METAP1: variants seen among roughly 807,000 people sequenced by gnomAD.
METAP1 encodes the protein methionyl aminopeptidase 1, also known as methionine aminopeptidase 1.
METAP1 carries 28 observed loss-of-function variants against 53.8 expected under a neutral mutation model. That is an observed-to-expected ratio of 0.52 (90% CI 0.39 to 0.71). METAP1 has a LOEUF of 0.71. Ranked by LOEUF, METAP1 falls within the 30% of genes least tolerant of loss-of-function variation. The pLI is 0.00. For missense variants in METAP1, 389 were observed against 479.8 expected, an observed-to-expected ratio of 0.81 and a Z score of 1.77; for synonymous variants, 181 against 165.7, an observed-to-expected ratio of 1.09 and a Z score of -0.71.
At chr4:99,002,801 G>A (rs369262807) in intron 1 of METAP1, among the ~76,000 whole-genome samples, 28 of 152,166 alleles carry the variant, frequency 1.8e-4, no homozygotes, top group African/African-American at 6.5e-4. Flanking sequence ...AAGGCCAGGC[G>A]CCGTGGCTTA....
chr4:99,022,169 A>T lies in METAP1; in HGVS notation c.115-6698A>T, dbSNP rs1170647711. On this transcript the variant is annotated intron_variant, in intron 1 of 10. Coordinates refer to ENST00000296411, the MANE Select transcript of METAP1 (RefSeq NM_015143.3). The stretch of plus-strand genomic sequence containing the variant: ...AGATGGGGGAATAGTGGAAGCCCAC[A>T]AAACTTCCACGTTTGGGCCCTCACC... 5 of 338,270 alleles carry T rather than the reference A, an allele frequency of 1.5e-5. No homozygotes were observed. The East Asian group carries it at 2.3e-4, about 15-fold the overall frequency. The allele number at this position is 338,270 out of a possible 1,614,324, so 21.0% of individuals were successfully genotyped here.
chr4:99,005,655 GAT>G, intron 1 of METAP1: 1 of 275,918 alleles, frequency 3.6e-6, no homozygotes, highest in Non-Finnish European at 7.3e-6. Context: ...CAATTGCAAA[GAT>G]AGGGAACCAA....
intron 1 of METAP1, among the ~76,000 whole-genome samples, chr4:99,016,608 C>G (rs1291242418): frequency 1.3e-5 from 2 of 152,194 alleles, no homozygotes; most frequent in Admixed American, 6.5e-5. Flanking sequence ...TGGCCTCTAC[C>G]CAATGAGTGA....
chr4:99,003,534 C>T (rs1723019621), intron 1 of METAP1, among the ~76,000 whole-genome samples: 1 of 152,158 alleles, frequency 6.6e-6, no homozygotes, highest in Non-Finnish European at 1.5e-5. Context: ...TAACTTCTCA[C>T]TCCACTAAAC....
intron 1 of METAP1, among the ~76,000 whole-genome samples, chr4:99,000,948 T>G (rs752719321): frequency 6.6e-6 from 1 of 152,178 alleles, no homozygotes; most frequent in Non-Finnish European, 1.5e-5. Flanking sequence ...CCACTTTGCC[T>G]CAGCCTCCCA....
chr4:99,008,789 G>GT (rs1328643967), intron 1 of METAP1, among the ~76,000 whole-genome samples: 12 of 152,062 alleles, frequency 7.9e-5, no homozygotes, highest in Non-Finnish European at 1.8e-4. Flanking sequence ...GTTAGCTGCT[G>GT]TTTTTTATCT....
rs549919448 is a variant in METAP1 at position 99,062,356 on chromosome 4, G to C, written c.*1039G>C. On this transcript the variant is annotated 3_prime_UTR_variant, in exon 11 of 11. Transcript: ENST00000296411. ...ACTGTAACCTTGCAGTAGAGATGCA[G>C]CTGTCCTTCGTGTGTGGAAACACAC... 5 of 152,530 alleles carry C rather than the reference G, an allele frequency of 3.3e-5. No homozygotes were observed. Among genetic ancestry groups the C allele is most frequent in the Admixed American group, 3.3e-4 (5 of 15,308 alleles). 9.4% of individuals were successfully genotyped at this position (152,530 alleles called of 1,614,324 possible). A position where few individuals can be genotyped will look rare whatever the true frequency, so the allele number is the denominator to read the frequency against.
At chr4:99,045,408 G>T in intron 8 of METAP1, 98 bp downstream of exon 8, 2 of 1,365,064 alleles carry the variant, frequency 1.5e-6, no homozygotes. Context: ...TACCTTCCAG[G>T]TTGCCCCTGT....
intron 1 of METAP1, among the ~76,000 whole-genome samples, chr4:99,018,373 C>T (rs1723900829): frequency 6.6e-6 from 1 of 152,202 alleles, no homozygotes; most frequent in South Asian, 2.1e-4. Context: ...ATAAGTATGT[C>T]ATCCATATAT....
chr4:99,041,848 A>G (rs986784470), intron 6 of METAP1, among the ~76,000 whole-genome samples: 1 of 149,146 alleles, frequency 6.7e-6, no homozygotes, highest in Non-Finnish European at 1.5e-5. Flanking sequence ...AGGATTTGAC[A>G]ATCTATCTTG....
chr4:99,035,774 ATATC>A (rs1725382697), intron 4 of METAP1, among the ~76,000 whole-genome samples: 1 of 152,138 alleles, frequency 6.6e-6, no homozygotes, highest in Non-Finnish European at 1.5e-5. Context: ...AAATTAAACA[ATATC>A]TATTTAGGTA....
At chr4:99,030,095 G>T (rs1308769099) in intron 2 of METAP1, among the ~76,000 whole-genome samples, 1 of 152,110 alleles carries the variant, frequency 6.6e-6, no homozygotes, top group Non-Finnish European at 1.5e-5. Context: ...TTTCTAATGT[G>T]TTAGGTATTT....
intron 9 of METAP1, among the ~76,000 whole-genome samples, chr4:99,051,198 T>C (rs1388891370): frequency 1.3e-5 from 2 of 152,068 alleles, no homozygotes; most frequent in African/African-American, 4.8e-5. Context: ...GATATGGATT[T>C]GAGTGTGAGG....
At chr4:99,031,857 C>T (rs1579290361) in intron 2 of METAP1, among the ~76,000 whole-genome samples, 1 of 152,184 alleles carries the variant, frequency 6.6e-6, no homozygotes, top group Admixed American at 6.5e-5. Flanking sequence ...GCATGTATCA[C>T]GTACTTATGA....
At position 99,061,182 on chromosome 4, in the gene METAP1, T is replaced by C; in HGVS notation, c.1026T>C (p.Asp342=). The C allele has an allele frequency of 1.2e-6, 2 of 1,613,706 alleles. No individual in the cohort carries two copies. Among genetic ancestry groups the C allele is most frequent in the Non-Finnish European group, 1.7e-6 (2 of 1,179,764 alleles). ...EGGWQDETWP[D]GWTAVTRDGK... ...GATGGCAGGATGAAACCTGGCCAGATGGTTGGACTGCGGTGACAAGAGACG... is the reference window on the plus strand; with the variant it reads ...GATGGCAGGATGAAACCTGGCCAGACGGTTGGACTGCGGTGACAAGAGACG... Residue 342 remains aspartate (D), a synonymous_variant, in exon 11 of 11, where the codon GAT becomes GAC. Coordinates refer to ENST00000296411, the MANE Select transcript of METAP1 (RefSeq NM_015143.3).
intron 1 of METAP1, among the ~76,000 whole-genome samples, chr4:99,019,018 C>G (rs747280849): frequency 1.4e-4 from 22 of 152,198 alleles, no homozygotes; most frequent in Non-Finnish European, 2.9e-4. Flanking sequence ...GCCCTACTTG[C>G]AGTCCAAGAC....
intron 2 of METAP1, 45 bp downstream of exon 2, chr4:99,028,963 C>G: frequency 7.7e-7 from 1 of 1,300,358 alleles, no homozygotes; most frequent in Non-Finnish European, 1.1e-6. Context: ...TTAGAAGTGG[C>G]ATTTGTGCCA....
intron 1 of METAP1, among the ~76,000 whole-genome samples, chr4:99,006,044 TAG>T (rs1311392719): frequency 4.6e-5 from 7 of 152,188 alleles, no homozygotes; most frequent in African/African-American, 1.4e-4. Flanking sequence ...GTGGTACTTA[TAG>T]AGAGTTTATG....
At position 99,018,971 on chromosome 4, in the gene METAP1, G is replaced by A. The variant is rs115258037; in HGVS notation, c.115-9896G>A. 7.2e-3 allele frequency among the ~76,000 whole-genome samples: 1,098 copies of A among 152,272 alleles called. 9 individuals are homozygous for A. Among genetic ancestry groups the A allele is most frequent in the African/African-American group, 0.025 (1,038 of 41,544 alleles). On this transcript the variant is annotated intron_variant, in intron 1 of 10. Coordinates refer to ENST00000296411, the MANE Select transcript of METAP1 (RefSeq NM_015143.3). ...CGGATGAATTTTCCTCTCATCAACAGTAGTTAGCAGGTGGAGAGAGGGAAG... is the reference window on the plus strand; with the variant it reads ...CGGATGAATTTTCCTCTCATCAACAATAGTTAGCAGGTGGAGAGAGGGAAG...
Sources: gnomAD v4.1 joint callset for allele counts (sites outside exome capture counted in the v4.1 genomes callset) on GRCh38, gnomAD v4.1.1 for gene constraint, MANE v1.5 for transcripts, NCBI Gene and HGNC (gene_info 2026-07-23, HGNC 2026-07-21) for gene names.